TDRD12: variants seen among roughly 807,000 people sequenced by gnomAD.
TDRD12 encodes the protein putative ATP-dependent RNA helicase TDRD12.
A neutral mutation model predicts 133.5 loss-of-function variants in TDRD12; 158 were observed. The observed-to-expected ratio is 1.18, with a 90% CI of 1.04 to 1.35. The LOEUF is 1.35. TDRD12 is among the 40% of genes most tolerant of loss of function. The pLI, the probability that TDRD12 is intolerant of heterozygous loss-of-function variation, is 0.00. For missense variants in TDRD12, 1,443 were observed against 1,321.3 expected, an observed-to-expected ratio of 1.09 and a Z score of -1.43; for synonymous variants, 460 against 477.9, an observed-to-expected ratio of 0.96 and a Z score of 0.49.
Position 32,800,899 on chromosome 19 carries a change from C to A in TDRD12, c.2079+127C>A, listed in dbSNP as rs970726345. ...AAAGTTTTACAAGTTTAACATCAAT[C>A]AGAAGAGGAGGTGGGGTCTTCTCAC... On this transcript the variant is annotated intron_variant, in intron 18 of 27. Coordinates refer to ENST00000444215, the Ensembl canonical transcript of TDRD12. 27 of 998,608 alleles carry A rather than the reference C, an allele frequency of 2.7e-5. No individual in the cohort carries two copies. The East Asian group carries it at 4.1e-4, about 15-fold the overall frequency. The allele number at this position is 998,608 out of a possible 1,614,324, so 61.9% of individuals were successfully genotyped here. A position where few individuals can be genotyped will look rare whatever the true frequency, so the allele number is the denominator to read the frequency against.
At chr19:32,731,457 G>A (rs1238031460) in intron 1 of TDRD12, among the ~76,000 whole-genome samples, 7 of 151,832 alleles carry the variant, frequency 4.6e-5, no homozygotes, top group African/African-American at 1.7e-4. Context: ...TCTGAACCTT[G>A]TGTTTGTATA....
At chr19:32,790,488 C>CA (rs1350035829) in intron 11 of TDRD12, 43 bp from the exon 12 acceptor site, 3 of 1,530,476 alleles carry the variant, frequency 2.0e-6, no homozygotes. Flanking sequence ...ACTGAGGAAA[C>CA]AAACACCTTT....
intron 2 of TDRD12, among the ~76,000 whole-genome samples, chr19:32,736,416 C>G (rs1439532785): frequency 2.6e-5 from 4 of 152,142 alleles, no homozygotes; most frequent in Non-Finnish European, 5.9e-5. Context: ...ACAATTAGTG[C>G]TCATTGACAG....
chr19:32,765,250 AG>A (rs1261659573), intron 8 of TDRD12, among the ~76,000 whole-genome samples: 1 of 152,186 alleles, frequency 6.6e-6, no homozygotes, highest in African/African-American at 2.4e-5. Context: ...CAGGTGCTGG[AG>A]AGGATGTGGA....
chr19:32,733,947 A>G (rs1969142057), intron 2 of TDRD12, among the ~76,000 whole-genome samples: 1 of 149,974 alleles, frequency 6.7e-6, no homozygotes, highest in African/African-American at 2.5e-5. Context: ...GCTAGAGTAC[A>G]GTGGCGCCAT....
At chr19:32,811,388 C>T in exon 24 of TDRD12, 2 of 1,536,102 alleles carry the variant, frequency 1.3e-6, no homozygotes, top group Non-Finnish European at 1.7e-6. Context: ...TAGGGTGAAA[C>T]CTGCTGACAA....
chr19:32,736,663 G>A (rs1027443326), intron 2 of TDRD12, among the ~76,000 whole-genome samples: 1 of 152,222 alleles, frequency 6.6e-6, no homozygotes, highest in Non-Finnish European at 1.5e-5. Context: ...CAGTATGGCT[G>A]TACTGTATTT....
At chr19:32,825,117 T>G (rs941290625), downstream of TDRD12, among the ~76,000 whole-genome samples, 24 of 152,122 alleles carry the variant, frequency 1.6e-4, no homozygotes, top group Non-Finnish European at 1.5e-4. The surrounding 1 kb of genome is among the most constrained non-coding windows in gnomAD (Gnocchi z 4.1). Context: ...GGGATTGTGC[T>G]CTCCAAGGTT....
At position 32,815,358 on chromosome 19, in the gene TDRD12, A is replaced by G. The variant is rs139279931; in HGVS notation, c.3142-90A>G. On this transcript the variant is annotated intron_variant, in intron 25 of 27. Transcript: ENST00000444215. ...AAGTGCAGCCAACGTGGCAGGCTGA[A>G]TGAACCAGAGAGGCCCTGTGGGAAT... is the stretch of plus-strand genomic sequence containing the variant. 1.2e-5 allele frequency: 13 copies of G among 1,128,938 alleles called. No homozygotes were observed. The East Asian group carries it at 3.1e-4, about 27-fold the overall frequency. The allele number at this position is 1,128,938 out of a possible 1,614,324, so 69.9% of individuals were successfully genotyped here. A position where few individuals can be genotyped will look rare whatever the true frequency, so the allele number is the denominator to read the frequency against.
intron 1 of TDRD12, among the ~76,000 whole-genome samples, chr19:32,722,280 G>A (rs535581104): frequency 6.6e-6 from 1 of 152,056 alleles, no homozygotes; most frequent in Non-Finnish European, 1.5e-5. Flanking sequence ...CAACCATCCC[G>A]GCAGAACTTT....
intron 24 of TDRD12, among the ~76,000 whole-genome samples, chr19:32,812,669 T>A (rs1967047201): frequency 1.3e-5 from 2 of 152,238 alleles, no homozygotes; most frequent in Non-Finnish European, 2.9e-5. Flanking sequence ...ACATCTGACC[T>A]GTAAAGATGA....
intron 11 of TDRD12, 133 bp downstream of exon 11, chr19:32,777,362 T>C: frequency 1.7e-6 from 1 of 585,834 alleles, no homozygotes; most frequent in Non-Finnish European, 2.7e-6. Flanking sequence ...ACAGTATATC[T>C]CCTGTAGGGT....
intron 3 of TDRD12, among the ~76,000 whole-genome samples, chr19:32,742,308 C>A (rs1301393009): frequency 6.6e-6 from 1 of 152,044 alleles, no homozygotes; most frequent in East Asian, 1.9e-4. Context: ...AGGAGTGCAC[C>A]ACCACGCCCA....
chr19:32,749,854 T>C, exon 6 of TDRD12: 1 of 1,541,892 alleles, frequency 6.5e-7, no homozygotes, highest in Non-Finnish European at 8.8e-7. Context: ...TTTATGTAAC[T>C]ATAAAAGATG....
exon 10 of TDRD12, chr19:32,827,199 G>A: frequency 8.1e-7 from 1 of 1,232,026 alleles, no homozygotes; most frequent in Non-Finnish European, 1.0e-6. Flanking sequence ...CACAGTGACA[G>A]AGGTGGTTGA....
rs186412894 is a variant in TDRD12 at position 32,815,871 on chromosome 19, G to T, written c.3314+251G>T. 5.1e-4 allele frequency among the ~76,000 whole-genome samples: 77 copies of T among 152,258 alleles called. No individual in the cohort carries two copies. In the East Asian group the frequency reaches 0.014, roughly 27 times the overall value. Reference sequence around the variant, plus strand: ...TAGCTGGGTGTGGCAGCACGTGCCTGTAATCCCTGTTACTCGGGAGGCTGA... The same window carrying T: ...TAGCTGGGTGTGGCAGCACGTGCCTTTAATCCCTGTTACTCGGGAGGCTGA... On this transcript the variant is annotated intron_variant, in intron 26 of 27. Coordinates refer to ENST00000444215, the Ensembl canonical transcript of TDRD12.
At chr19:32,780,795 G>GTTTT (rs35298502) in intron 11 of TDRD12, among the ~76,000 whole-genome samples, 1 of 143,310 alleles carries the variant, frequency 7.0e-6, no homozygotes. Context: ...CTTTCCTTGG[G>GTTTT]TTTTTTTTTT....
At chr19:32,771,143 G>A (rs1442603402) in intron 8 of TDRD12, among the ~76,000 whole-genome samples, 2 of 152,166 alleles carry the variant, frequency 1.3e-5, no homozygotes, top group East Asian at 3.8e-4. Flanking sequence ...GAGAGGAAGA[G>A]AGAAAGTGGA....
chr19:32,798,198 G>A, intron 15 of TDRD12, 110 bp from the exon 16 acceptor site: 1 of 1,091,492 alleles, frequency 9.2e-7, no homozygotes. Context: ...CAGAAACAGT[G>A]TTTTACTTCA....
Sources: allele counts gnomAD v4.1 joint callset (sites outside exome capture counted in the v4.1 genomes callset), GRCh38; gene constraint gnomAD v4.1.1; non-coding constraint Gnocchi (gnomAD v3.1); transcripts MANE v1.5; gene names NCBI Gene and HGNC (gene_info 2026-07-23, HGNC 2026-07-21).